Variants in KCNIP4 observed in about 807,000 individuals in gnomAD.
The protein encoded by KCNIP4 is potassium voltage-gated channel interacting protein 4, also known as Kv channel-interacting protein 4.
In KCNIP4, 12 loss-of-function variants were observed where a neutral mutation model predicts 34.0. That is an observed-to-expected ratio of 0.35 (90% confidence interval 0.23 to 0.57). KCNIP4 has a LOEUF of 0.57. Ranked by LOEUF, KCNIP4 falls within the 20% of genes least tolerant of loss-of-function variation. The probability of loss-of-function intolerance (pLI) is 0.83; values close to 1 mark genes in which losing one functional copy is unlikely to be tolerated. For missense variants in KCNIP4, 238 were observed against 311.7 expected, an observed-to-expected ratio of 0.76 and a Z score of 1.78; for synonymous variants, 124 against 102.2, an observed-to-expected ratio of 1.21 and a Z score of -1.29.
rs1746626904 is a variant in KCNIP4 at position 21,641,672 on chromosome 4, G to C, written c.61+306899C>G. 3.3e-5 allele frequency among the ~76,000 whole-genome samples: 5 copies of C among 152,098 alleles called. No individual in the cohort carries two copies. In the South Asian group the frequency reaches 1.0e-3, roughly 31 times the overall value. ...CCAAAGAGAGATGTCAGGAGAGGAG[G>C]GACTTTAATAATCACATAGATAGGA... On this transcript the variant is annotated intron_variant, in intron 1 of 8. Transcript: ENST00000382152.
intron 1 of KCNIP4, among the ~76,000 whole-genome samples, chr4:21,059,860 G>C (rs1743762413): frequency 6.6e-6 from 1 of 152,044 alleles, no homozygotes; most frequent in Non-Finnish European, 1.5e-5. Context: ...AGACACTGTG[G>C]TAGACTGTGT....
In KCNIP4 at chr4:20,988,000, CAA is replaced by C. The variant is rs36044149; in HGVS notation, c.62-105293_62-105292del. Among the ~76,000 whole-genome samples the C allele has an allele frequency of 4.8e-3, 223 of 46,316 alleles. 3 individuals carry two copies. In the East Asian group the frequency reaches 0.052, roughly 11 times the overall value. 30.4% of individuals were successfully genotyped at this position (46,316 alleles called of 152,430 possible). On this transcript the variant is annotated intron_variant, in intron 1 of 8. Transcript: ENST00000382152. ...TGGGCGACACGGCGAGATTCCATCT[CAA>C]AAAAAAAAAAAAAAAAAAAATTATA...
chr4:21,757,009 A>G (rs902710721), intron 1 of KCNIP4, among the ~76,000 whole-genome samples: 2 of 151,244 alleles, frequency 1.3e-5, no homozygotes, highest in Admixed American at 1.3e-4. Context: ...AGGCAGCAGA[A>G]TCGCTTGAAC....
intron 1 of KCNIP4, among the ~76,000 whole-genome samples, chr4:21,922,372 C>T (rs144242048): frequency 6.6e-6 from 1 of 152,286 alleles, no homozygotes; most frequent in Non-Finnish European, 1.5e-5. Flanking sequence ...TTCCTAGACA[C>T]AATACACATG....
intron 1 of KCNIP4, among the ~76,000 whole-genome samples, chr4:21,824,368 T>A (rs1285299359): frequency 6.6e-6 from 1 of 152,266 alleles, no homozygotes; most frequent in East Asian, 1.9e-4. Flanking sequence ...GGCCGCAAGA[T>A]TCTGAACTTC....
chr4:21,681,792 C>T (rs2109025113), intron 1 of KCNIP4, among the ~76,000 whole-genome samples: 1 of 152,260 alleles, frequency 6.6e-6, no homozygotes, highest in Non-Finnish European at 1.5e-5. Context: ...AAAGCTTCCA[C>T]TCATGGCAGA....
chr4:21,546,637 C>G (rs985703726), intron 1 of KCNIP4, among the ~76,000 whole-genome samples: 3 of 152,086 alleles, frequency 2.0e-5, no homozygotes, highest in Non-Finnish European at 4.4e-5. Context: ...TATACTCATA[C>G]TAAATCTGAA....
At chr4:21,795,929 G>A (rs1720596328) in intron 1 of KCNIP4, among the ~76,000 whole-genome samples, 1 of 152,042 alleles carries the variant, frequency 6.6e-6, no homozygotes, top group Admixed American at 6.5e-5. Context: ...AATTAGCTGG[G>A]TTGGTGGTGC....
chr4:21,808,807 A>T (rs1379888221), intron 1 of KCNIP4, among the ~76,000 whole-genome samples: 1 of 152,068 alleles, frequency 6.6e-6, no homozygotes, highest in Non-Finnish European at 1.5e-5. Flanking sequence ...AATTTTGGGG[A>T]TGATTCCTTT....
intron 1 of KCNIP4, among the ~76,000 whole-genome samples, chr4:21,586,571 C>A (rs1049669131): frequency 3.3e-5 from 5 of 151,804 alleles, no homozygotes; most frequent in Admixed American, 2.6e-4. Context: ...TAAAAGGTTC[C>A]AAAAAGAAAA....
intron 1 of KCNIP4, among the ~76,000 whole-genome samples, chr4:21,296,996 G>A (rs1763875797): frequency 6.6e-6 from 1 of 151,604 alleles, no homozygotes; most frequent in African/African-American, 2.4e-5. Flanking sequence ...ATGTATGTGT[G>A]TGTGTATACA....
At chr4:21,355,609 T>C (rs924434854) in intron 1 of KCNIP4, among the ~76,000 whole-genome samples, 2 of 152,048 alleles carry the variant, frequency 1.3e-5, no homozygotes, top group African/African-American at 4.8e-5. Flanking sequence ...CAGGAAGAAG[T>C]TGAATCTCTG....
chr4:21,389,905 T>TAC (rs1722401555), intron 1 of KCNIP4, among the ~76,000 whole-genome samples: 1 of 151,936 alleles, frequency 6.6e-6, no homozygotes, highest in African/African-American at 2.4e-5. Context: ...TGAACTAGTT[T>TAC]ACAGTCCCCC....
intron 1 of KCNIP4, among the ~76,000 whole-genome samples, chr4:21,735,232 C>T (rs540388290): frequency 6.6e-6 from 1 of 152,066 alleles, no homozygotes; most frequent in African/African-American, 2.4e-5. Context: ...TCATGGTATG[C>T]TAGAGCCGGC....
intron 1 of KCNIP4, among the ~76,000 whole-genome samples, chr4:21,179,979 A>C (rs1433776751): frequency 2.0e-5 from 3 of 152,156 alleles, no homozygotes; most frequent in East Asian, 1.9e-4. Context: ...TGAGCAAAGC[A>C]CAGAGCAAGT....
intron 1 of KCNIP4, among the ~76,000 whole-genome samples, chr4:21,719,822 G>C (rs931889718): frequency 6.6e-6 from 1 of 151,998 alleles, no homozygotes; most frequent in Non-Finnish European, 1.5e-5. Context: ...AATTAGGTGG[G>C]CATGGGAATG....
chr4:21,943,016 C>T (rs1198614866), intron 1 of KCNIP4, among the ~76,000 whole-genome samples: 1 of 152,178 alleles, frequency 6.6e-6, no homozygotes, highest in Non-Finnish European at 1.5e-5. Context: ...GCCTCGGCCT[C>T]CCAAAGTGCT....
At chr4:21,416,525 A>T (rs1724968633) in intron 1 of KCNIP4, among the ~76,000 whole-genome samples, 1 of 152,188 alleles carries the variant, frequency 6.6e-6, no homozygotes, top group Admixed American at 6.5e-5. Flanking sequence ...AGTGGCAATT[A>T]CTTTGTCTAT....
chr4:21,288,802 T>C (rs934602423), intron 1 of KCNIP4, among the ~76,000 whole-genome samples: 4 of 152,302 alleles, frequency 2.6e-5, no homozygotes, highest in African/African-American at 9.6e-5. Context: ...CCTAATGTTA[T>C]ACATATGTAT....
Sources: gnomAD v4.1 joint callset for allele counts (sites outside exome capture counted in the v4.1 genomes callset) on GRCh38, gnomAD v4.1.1 for gene constraint, MANE v1.5 for transcripts, NCBI Gene and HGNC (gene_info 2026-07-23, HGNC 2026-07-21) for gene names.